Variants in LRRC4C observed in about 807,000 individuals in gnomAD.
LRRC4C encodes the protein leucine rich repeat containing 4C, also known as leucine-rich repeat-containing protein 4C.
In LRRC4C, 5 loss-of-function variants were observed where a neutral mutation model predicts 33.6. The observed-to-expected ratio is 0.15, with a 90% CI of 0.08 to 0.31. LRRC4C has a LOEUF of 0.31. Among genes scored for constraint, LRRC4C ranks in the 10% least tolerant of loss-of-function variants. The probability of loss-of-function intolerance (pLI) is 1.00; values close to 1 mark genes in which losing one functional copy is unlikely to be tolerated. For synonymous variants in LRRC4C, 329 were observed against 302.0 expected (o/e 1.09, Z -0.93); for missense variants, 560 against 796.7 (o/e 0.70, Z 3.58).
At chr11:40,262,899 G>A (rs1941966094) in intron 4 of LRRC4C, among the ~76,000 whole-genome samples, 1 of 151,686 alleles carries the variant, frequency 6.6e-6, no homozygotes, top group Non-Finnish European at 1.5e-5. Context: ...GTTGATGGGT[G>A]CAGCAAACCA....
chr11:40,990,668 G>T (rs188511924), intron 1 of LRRC4C, among the ~76,000 whole-genome samples: 2 of 152,248 alleles, frequency 1.3e-5, no homozygotes, highest in Admixed American at 1.3e-4. Context: ...ATATAATAGA[G>T]CAGTGGTAGA....
chr11:40,229,631 A>G (rs972321544), intron 5 of LRRC4C, among the ~76,000 whole-genome samples: 8 of 152,142 alleles, frequency 5.3e-5, no homozygotes, highest in Non-Finnish European at 8.8e-5. Flanking sequence ...CTATTTTACA[A>G]AACACATACA....
chr11:41,329,112 G>T (rs546776291), intron 1 of LRRC4C, among the ~76,000 whole-genome samples: 1 of 152,240 alleles, frequency 6.6e-6, no homozygotes, highest in Admixed American at 6.5e-5. Context: ...TAACTTCTGG[G>T]TGCTTGGGGG....
intron 4 of LRRC4C, chr11:40,292,595 T>A (rs1657420021): frequency 6.8e-6 from 1 of 147,800 alleles, no homozygotes; most frequent in South Asian, 2.2e-4. Flanking sequence ...TAGAGAAAAA[T>A]GAACATACTT....
rs77377955 is a variant in LRRC4C at position 40,860,276 on chromosome 11, G to C, written c.-407+73359C>G. Among the ~76,000 whole-genome samples the C allele has an allele frequency of 3.2e-3, 486 of 152,040 alleles. 3 individuals are homozygous for C. Among genetic ancestry groups the C allele is most frequent in the Non-Finnish European group, 5.3e-3 (361 of 67,980 alleles). ...GTTTACCAGTGGGTAGGGGTAGAGG[G>C]AATATAAGTGTATCATTTCCTAGGG... On this transcript the variant is annotated intron_variant, in intron 2 of 6. Coordinates refer to ENST00000528697, the MANE Select transcript of LRRC4C (RefSeq NM_001258419.2).
intron 3 of LRRC4C, among the ~76,000 whole-genome samples, chr11:40,503,424 G>A (rs1286896386): frequency 6.6e-6 from 1 of 152,094 alleles, no homozygotes; most frequent in African/African-American, 2.4e-5. Flanking sequence ...GTCTTTCTAG[G>A]TATTGAGCTC....
At chr11:40,477,145 C>T (rs1953277729) in intron 3 of LRRC4C, among the ~76,000 whole-genome samples, 1 of 152,140 alleles carries the variant, frequency 6.6e-6, no homozygotes, top group African/African-American at 2.4e-5. Context: ...GGGGAATTCA[C>T]CTATGAAAGG....
At chr11:40,684,765 T>G (rs1944874854) in intron 2 of LRRC4C, among the ~76,000 whole-genome samples, 1 of 152,014 alleles carries the variant, frequency 6.6e-6, no homozygotes, top group South Asian at 2.1e-4. Context: ...GAGGAACAAT[T>G]AGTTTGACAA....
intron 4 of LRRC4C, among the ~76,000 whole-genome samples, chr11:40,289,784 G>T (rs1944069501): frequency 6.6e-6 from 1 of 152,222 alleles, no homozygotes. Context: ...TTGCCAGTAT[G>T]AAAGATGATG....
At chr11:40,477,260 C>T (rs1953284856) in intron 3 of LRRC4C, among the ~76,000 whole-genome samples, 1 of 152,096 alleles carries the variant, frequency 6.6e-6, no homozygotes, top group African/African-American at 2.4e-5. Context: ...GAGTGCCACC[C>T]ACTTTTAGCT....
intron 2 of LRRC4C, among the ~76,000 whole-genome samples, chr11:40,702,709 C>A (rs1237778204): frequency 6.6e-6 from 1 of 151,900 alleles, no homozygotes; most frequent in African/African-American, 2.4e-5. Flanking sequence ...CAAACAATAT[C>A]ACCACCAAGA....
At chr11:40,990,234 T>C (rs1446076467) in intron 1 of LRRC4C, among the ~76,000 whole-genome samples, 23 of 28,102 alleles carry the variant, frequency 8.2e-4, no homozygotes, top group African/African-American at 3.8e-3. Flanking sequence ...TCAAGTTTTA[T>C]ATATATATAT....
At chr11:40,936,863 G>C (rs1307022686) in intron 1 of LRRC4C, among the ~76,000 whole-genome samples, 1 of 152,096 alleles carries the variant, frequency 6.6e-6, no homozygotes, top group African/African-American at 2.4e-5. Context: ...ACAAAAACAA[G>C]TTCTAATTTG....
At chr11:40,740,594 T>C (rs1459335688) in intron 2 of LRRC4C, among the ~76,000 whole-genome samples, 3 of 152,072 alleles carry the variant, frequency 2.0e-5, no homozygotes, top group Non-Finnish European at 4.4e-5. Context: ...TTAATAGTTG[T>C]CTCATTTGTT....
chr11:40,206,845 A>G (rs975891100), intron 5 of LRRC4C, among the ~76,000 whole-genome samples: 5 of 152,184 alleles, frequency 3.3e-5, no homozygotes, highest in African/African-American at 1.2e-4. Flanking sequence ...TTCTTAACAG[A>G]TAGAATTCAT....
chr11:41,262,175 C>A (rs1183165115), intron 1 of LRRC4C, among the ~76,000 whole-genome samples: 1 of 151,798 alleles, frequency 6.6e-6, no homozygotes, highest in Non-Finnish European at 1.5e-5. Context: ...GTCTTTGAGC[C>A]AAATTTCAAT....
intron 1 of LRRC4C, among the ~76,000 whole-genome samples, chr11:41,409,180 T>C (rs1954364198): frequency 6.6e-6 from 1 of 152,188 alleles, no homozygotes; most frequent in South Asian, 2.1e-4. Flanking sequence ...AACTGCAGAA[T>C]ATACACCACT....
chr11:40,901,074 T>G (rs1050318097), intron 2 of LRRC4C, among the ~76,000 whole-genome samples: 6 of 152,100 alleles, frequency 3.9e-5, no homozygotes, highest in Non-Finnish European at 8.8e-5. Context: ...TTTTCTTTTA[T>G]GTAAAAATGT....
chr11:40,119,653 T>TTATG (rs1855685192), intron 6 of LRRC4C, among the ~76,000 whole-genome samples: 1 of 152,244 alleles, frequency 6.6e-6, no homozygotes, highest in Non-Finnish European at 1.5e-5. Context: ...TCACATGTTC[T>TTATG]TATGTATTAA....
Sources: gnomAD v4.1 joint callset for allele counts (sites outside exome capture counted in the v4.1 genomes callset) on GRCh38, gnomAD v4.1.1 for gene constraint, MANE v1.5 for transcripts, NCBI Gene and HGNC (gene_info 2026-07-23, HGNC 2026-07-21) for gene names.